FBXL7: variants seen among roughly 807,000 people sequenced by gnomAD.
FBXL7 encodes the protein F-box/LRR-repeat protein 7.
A neutral mutation model predicts 38.3 loss-of-function variants in FBXL7; 12 were observed. The observed-to-expected ratio is 0.31, with a 90% confidence interval of 0.20 to 0.51. The LOEUF (loss-of-function observed/expected upper bound fraction) is 0.51. Ranked by LOEUF, FBXL7 falls within the 20% of genes least tolerant of loss-of-function variation. FBXL7 has a pLI of 0.98. For synonymous variants in FBXL7, 297 were observed against 300.9 expected, an observed-to-expected ratio of 0.99 and a Z score of 0.13; for missense variants, 567 against 676.4, an observed-to-expected ratio of 0.84 and a Z score of 1.79.
At chr5:15,778,107 A>G (rs966266347) in intron 2 of FBXL7, among the ~76,000 whole-genome samples, 1 of 152,080 alleles carries the variant, frequency 6.6e-6, no homozygotes, top group African/African-American at 2.4e-5. Flanking sequence ...TACCTCATTA[A>G]TGGGAAGACA....
At chr5:15,564,212 A>G (rs1316930649) in intron 1 of FBXL7, among the ~76,000 whole-genome samples, 1 of 152,074 alleles carries the variant, frequency 6.6e-6, no homozygotes, top group South Asian at 2.1e-4. Context: ...TTTCTCCTCC[A>G]TTATTAAAAA....
intron 2 of FBXL7, among the ~76,000 whole-genome samples, chr5:15,870,281 T>TG (rs1739898516): frequency 6.6e-6 from 1 of 151,664 alleles, no homozygotes; most frequent in South Asian, 2.1e-4. Flanking sequence ...TGCATGGAGA[T>TG]GGGGGTGTGG....
At chr5:15,683,590 A>C (rs1406053136) in intron 2 of FBXL7, among the ~76,000 whole-genome samples, 1 of 152,228 alleles carries the variant, frequency 6.6e-6, no homozygotes, top group Non-Finnish European at 1.5e-5. Context: ...AAGGAAATTT[A>C]TTTCACAATA....
At chr5:15,510,848 T>G (rs1736777145) in intron 1 of FBXL7, among the ~76,000 whole-genome samples, 1 of 152,244 alleles carries the variant, frequency 6.6e-6, no homozygotes, top group Non-Finnish European at 1.5e-5. Context: ...GTCATTCATG[T>G]AATGCTAAAG....
At chr5:15,662,865 G>GT (rs1044846205) in intron 2 of FBXL7, among the ~76,000 whole-genome samples, 10 of 152,224 alleles carry the variant, frequency 6.6e-5, no homozygotes, top group Middle Eastern at 3.4e-3. Context: ...CTGTGTGTCT[G>GT]TTTTTGCACC....
intron 2 of FBXL7, among the ~76,000 whole-genome samples, chr5:15,888,507 G>C (rs1320961929): frequency 1.3e-5 from 2 of 152,122 alleles, no homozygotes; most frequent in Non-Finnish European, 2.9e-5. Context: ...GGGATTACAG[G>C]TATGAGCTAT....
chr5:15,705,761 G>A (rs1561093093), intron 2 of FBXL7, among the ~76,000 whole-genome samples: 1 of 152,102 alleles, frequency 6.6e-6, no homozygotes, highest in East Asian at 1.9e-4. Flanking sequence ...GTGGTGGGAA[G>A]TCAATAGTAA....
intron 2 of FBXL7, among the ~76,000 whole-genome samples, chr5:15,703,392 C>G (rs1244696183): frequency 1.3e-5 from 2 of 152,050 alleles, no homozygotes; most frequent in South Asian, 2.1e-4. Flanking sequence ...ATGAAGAAAA[C>G]CAAATTTTTC....
At chr5:15,559,200 G>A (rs974718691) in intron 1 of FBXL7, among the ~76,000 whole-genome samples, 23 of 152,280 alleles carry the variant, frequency 1.5e-4, no homozygotes, top group African/African-American at 4.8e-4. Flanking sequence ...AGAGACTGTC[G>A]AGAGGAGACA....
chr5:15,522,454 T>A (rs1381562154), intron 1 of FBXL7, among the ~76,000 whole-genome samples: 2 of 152,290 alleles, frequency 1.3e-5, no homozygotes, highest in South Asian at 2.1e-4. Context: ...CATGGGAGGT[T>A]TCCTGGAATT....
chr5:15,794,514 T>C (rs1215820653), intron 2 of FBXL7, among the ~76,000 whole-genome samples: 1 of 152,220 alleles, frequency 6.6e-6, no homozygotes, highest in Non-Finnish European at 1.5e-5. Flanking sequence ...TTAGAATTAA[T>C]AGTATCTCCC....
intron 2 of FBXL7, among the ~76,000 whole-genome samples, chr5:15,920,877 A>G (rs952356056): frequency 6.6e-6 from 1 of 151,920 alleles, no homozygotes; most frequent in African/African-American, 2.4e-5. Flanking sequence ...TCATTGGGAG[A>G]CAGTTAAATC....
intron 1 of FBXL7, among the ~76,000 whole-genome samples, chr5:15,509,892 A>T (rs548791494): frequency 2.7e-4 from 41 of 152,324 alleles, no homozygotes; most frequent in African/African-American, 9.9e-4. Flanking sequence ...GCTACTTCTA[A>T]AACGTGCTAG....
chr5:15,816,840 A>G (rs1476920776), intron 2 of FBXL7, among the ~76,000 whole-genome samples: 1 of 152,170 alleles, frequency 6.6e-6, no homozygotes, highest in Non-Finnish European at 1.5e-5. Flanking sequence ...ACATTTTCGG[A>G]GTAAATTAAT....
chr5:15,721,215 A>G (rs1478420545), intron 2 of FBXL7, among the ~76,000 whole-genome samples: 1 of 152,180 alleles, frequency 6.6e-6, no homozygotes, highest in East Asian at 1.9e-4. Context: ...TTTCTGGCTT[A>G]TAGACCATTT....
intron 2 of FBXL7, among the ~76,000 whole-genome samples, chr5:15,917,644 G>GGAAAGGAAGGAAGGAA (rs1554034053): frequency 1.5e-4 from 14 of 90,940 alleles, no homozygotes; most frequent in African/African-American, 5.3e-4. Context: ...AAGGAAGGGA[G>GGAAAGGAAGGAAGGAA]GGAAGGAAGG....
rs1413402274 is a variant in FBXL7, at chr5:15,765,519, A to G, written c.127+149447A>G. ...TCTCTGAATATTTCTACTATTCAGA[A>G]CAAGTCCTCCCATTCACAACCTAAA... On this transcript the variant is annotated intron_variant, in intron 2 of 3. Transcript: ENST00000504595. Among the ~76,000 whole-genome samples the G allele has an allele frequency of 6.6e-5, 10 of 152,240 alleles. No homozygotes were observed. In the East Asian group the frequency reaches 1.9e-3, roughly 29 times the overall value.
At chr5:15,677,217 C>G (rs190945620) in intron 2 of FBXL7, among the ~76,000 whole-genome samples, 1 of 152,310 alleles carries the variant, frequency 6.6e-6, no homozygotes, top group African/African-American at 2.4e-5. Flanking sequence ...CGCCGGAAAT[C>G]CCAACACTTT....
At chr5:15,514,764 A>G (rs946939208) in intron 1 of FBXL7, among the ~76,000 whole-genome samples, 1 of 152,146 alleles carries the variant, frequency 6.6e-6, no homozygotes, top group African/African-American at 2.4e-5. Flanking sequence ...GCACTGTGTT[A>G]GCCACTGAAG....
Sources: gnomAD v4.1 joint callset for allele counts (sites outside exome capture counted in the v4.1 genomes callset) on GRCh38, gnomAD v4.1.1 for gene constraint, MANE v1.5 for transcripts, NCBI Gene and HGNC (gene_info 2026-07-23, HGNC 2026-07-21) for gene names.